GLCCI1: variants seen among roughly 807,000 people sequenced by gnomAD.
GLCCI1 encodes the protein glucocorticoid induced 1.
Under a neutral mutation model 52.2 loss-of-function variants are expected in GLCCI1, and 24 were observed. The observed-to-expected ratio is 0.46, with a 90% confidence interval of 0.33 to 0.65. The LOEUF (loss-of-function observed/expected upper bound fraction) is 0.65. Among genes scored for constraint, GLCCI1 ranks in the 30% least tolerant of loss-of-function variants. GLCCI1 has a pLI of 0.02. For synonymous variants in GLCCI1, 310 were observed against 276.5 expected (o/e 1.12, Z -1.20); for missense variants, 704 against 701.5 (o/e 1.00, Z -0.04).
At chr7:8,026,213 C>T (rs924919691) in intron 3 of GLCCI1, among the ~76,000 whole-genome samples, 2 of 151,904 alleles carry the variant, frequency 1.3e-5, no homozygotes, top group Admixed American at 1.3e-4. Context: ...AATTAAGACA[C>T]ATTATAATCC....
intron 1 of GLCCI1, chr7:7,980,223 A>T (rs530338909): frequency 4.6e-5 from 7 of 152,768 alleles, no homozygotes; most frequent in African/African-American, 1.7e-4. Flanking sequence ...ATCAGACTTT[A>T]CCTATTTTCA....
intron 1 of GLCCI1, among the ~76,000 whole-genome samples, chr7:7,990,143 A>G (rs1453476806): frequency 6.6e-6 from 1 of 152,106 alleles, no homozygotes; most frequent in East Asian, 1.9e-4. Context: ...GGTATTATTC[A>G]GTTTTGTATT....
At chr7:7,995,543 C>T (rs760865204) in intron 1 of GLCCI1, among the ~76,000 whole-genome samples, 15 of 152,112 alleles carry the variant, frequency 9.9e-5, no homozygotes, top group Non-Finnish European at 1.6e-4. Context: ...AAATGTGGCA[C>T]ATATACACCA....
chr7:8,055,633 C>G (rs1160219518), intron 4 of GLCCI1, 84 bp downstream of exon 4: 137 of 833,514 alleles, frequency 1.6e-4, no homozygotes, highest in Non-Finnish European at 3.4e-5. Context: ...TTTAAAAAAA[C>G]CCATAAATAT....
intron 1 of GLCCI1, among the ~76,000 whole-genome samples, chr7:7,975,358 G>C (rs1355062041): frequency 6.6e-6 from 1 of 152,166 alleles, no homozygotes; most frequent in Non-Finnish European, 1.5e-5. Context: ...GAATACCTCA[G>C]TGACTTCCCC....
intron 1 of GLCCI1, 118 bp from the exon 2 acceptor site, chr7:8,003,790 G>A (rs1225157836): frequency 4.8e-6 from 4 of 837,486 alleles, no homozygotes; most frequent in Admixed American, 2.7e-5. Context: ...GGCTATTAGT[G>A]TAAATATATA....
chr7:8,008,249 A>G (rs972295292), intron 2 of GLCCI1, among the ~76,000 whole-genome samples: 2 of 149,738 alleles, frequency 1.3e-5, no homozygotes, highest in Non-Finnish European at 3.0e-5. Flanking sequence ...GATAACCACT[A>G]TTCTACTCTC....
At chr7:8,043,595 G>C (rs1332274486) in intron 3 of GLCCI1, among the ~76,000 whole-genome samples, 1 of 152,142 alleles carries the variant, frequency 6.6e-6, no homozygotes, top group Non-Finnish European at 1.5e-5. Flanking sequence ...ACAATAAATA[G>C]AATGAAGGGA....
Position 8,022,524 on chromosome 7 carries a change from A to C in GLCCI1, c.651A>C (p.Ser217=). The change falls in exon 3 of 8, where the codon TCA becomes TCC. Residue 217 remains serine (S), a synonymous_variant. Transcript: ENST00000223145. ...CAGAAGAGGGTGCAGAAAAGAGGTC[A>C]CATCAGCGTTCTGCGTCATGGGGGA... ...CWAEEGAEKR[S]HQRSASWGSA... is the part of the protein sequence containing the mutation. 4 of 1,586,848 alleles carry C rather than the reference A, an allele frequency of 2.5e-6. No individual in the cohort carries two copies. The highest frequency in any genetic ancestry group is 1.7e-4 in the Middle Eastern group (1 of 5,978).
chr7:8,011,491 C>G (rs539036846), intron 2 of GLCCI1, among the ~76,000 whole-genome samples: 1 of 152,230 alleles, frequency 6.6e-6, no homozygotes, highest in South Asian at 2.1e-4. Flanking sequence ...CTTTTTAAAG[C>G]AGAATAATAT....
chr7:7,981,937 T>A, intron 1 of GLCCI1: 1 of 446,766 alleles, frequency 2.2e-6, no homozygotes, highest in Non-Finnish European at 4.5e-6. Flanking sequence ...TGCTCTGAAG[T>A]AAAAGAAGAT....
chr7:8,029,773 A>G (rs779980151), intron 3 of GLCCI1, among the ~76,000 whole-genome samples: 4 of 152,118 alleles, frequency 2.6e-5, no homozygotes, highest in Non-Finnish European at 5.9e-5. Context: ...AGTGAACAAT[A>G]GAAAAAGAAA....
intron 1 of GLCCI1, among the ~76,000 whole-genome samples, chr7:7,971,198 G>A (rs767458865): frequency 8.5e-5 from 13 of 152,140 alleles, no homozygotes; most frequent in Non-Finnish European, 1.9e-4. Context: ...TCCTCCCCCA[G>A]GTCAAGCCAG....
At chr7:8,017,781 CTT>C (rs1487992755) in intron 2 of GLCCI1, among the ~76,000 whole-genome samples, 1 of 152,168 alleles carries the variant, frequency 6.6e-6, no homozygotes, top group African/African-American at 2.4e-5. Flanking sequence ...TTTCTACACT[CTT>C]TGCTAATCAG....
chr7:8,045,180 C>T (rs1198095175), intron 3 of GLCCI1, among the ~76,000 whole-genome samples: 1 of 152,188 alleles, frequency 6.6e-6, no homozygotes, highest in East Asian at 1.9e-4. Flanking sequence ...CCAACGGTTC[C>T]AGTGTAGGGT....
intron 3 of GLCCI1, among the ~76,000 whole-genome samples, chr7:8,023,295 G>A (rs758068525): frequency 4.6e-5 from 7 of 152,210 alleles, no homozygotes; most frequent in East Asian, 1.9e-4. Context: ...AATTACAGGC[G>A]TGATCTAATA....
At chr7:8,075,095 G>A (rs760480010) in intron 6 of GLCCI1, among the ~76,000 whole-genome samples, 1 of 151,930 alleles carries the variant, frequency 6.6e-6, no homozygotes, top group Non-Finnish European at 1.5e-5. Flanking sequence ...ACATCTATTC[G>A]CTATGAATTA....
chr7:8,065,149 G>A (rs1296383941), intron 5 of GLCCI1, among the ~76,000 whole-genome samples: 1 of 152,106 alleles, frequency 6.6e-6, no homozygotes, highest in Non-Finnish European at 1.5e-5. Flanking sequence ...CCCTTCCTTG[G>A]ATAGCTGTAT....
intron 5 of GLCCI1, among the ~76,000 whole-genome samples, chr7:8,067,503 C>G (rs1326682988): frequency 6.6e-6 from 1 of 152,140 alleles, no homozygotes; most frequent in East Asian, 1.9e-4. Flanking sequence ...TTTGTAGTGG[C>G]TGATAACGTT....
Sources: allele counts gnomAD v4.1 joint callset (sites outside exome capture counted in the v4.1 genomes callset), GRCh38; gene constraint gnomAD v4.1.1; transcripts MANE v1.5; gene names NCBI Gene and HGNC (gene_info 2026-07-23, HGNC 2026-07-21).